PRKDC: variants seen among roughly 807,000 people sequenced by gnomAD.
The protein encoded by PRKDC is DNA-dependent protein kinase catalytic subunit.
In PRKDC, 82 loss-of-function variants were observed where a neutral mutation model predicts 486.9. The observed-to-expected ratio is 0.17, with a 90% confidence interval of 0.14 to 0.20. The LOEUF (loss-of-function observed/expected upper bound fraction) is 0.20. Among genes scored for constraint, PRKDC ranks in the 10% least tolerant of loss-of-function variants. The pLI is 1.00. For missense variants in PRKDC, 4,504 were observed against 5,038.2 expected (o/e 0.89, Z 3.21); for synonymous variants, 1,895 against 1,837.0 (o/e 1.03, Z -0.81).
chr8:47,859,741 G>A lies in PRKDC; in HGVS notation c.6077C>T (p.Ser2026Phe), dbSNP rs1180273106. The A allele has an allele frequency of 6.2e-7, 1 of 1,612,306 alleles. No individual in the cohort carries two copies. The highest frequency in any genetic ancestry group is 8.5e-7 in the Non-Finnish European group (1 of 1,178,518). ...ACTGTCTGCCAAATATGACAGGGAA[G>A]ACATATAGGAAGGACCATCTGAAAT... Reference protein sequence around the residue: ...NGDSDGPSYMSSLSYLADSTL... With the variant: ...NGDSDGPSYMFSLSYLADSTL... The change falls in exon 46 of 86, where the codon TCT (serine) becomes TTT (phenylalanine). Residue 2026 changes from serine to phenylalanine, a missense_variant. Coordinates refer to ENST00000314191, the MANE Select transcript of PRKDC (RefSeq NM_006904.7).
rs559601554 is a variant in PRKDC, at chr8:47,937,359, T to A, written c.1114-842A>T. On this transcript the variant is annotated intron_variant, in intron 11 of 85. Coordinates refer to ENST00000314191, the MANE Select transcript of PRKDC (RefSeq NM_006904.7). Reference sequence around the variant, plus strand: ...TATTTATTCACACAGGAAGCATTTATTGGTTGTCAGCTATGTTCTAGGCAC... The same window carrying A: ...TATTTATTCACACAGGAAGCATTTAATGGTTGTCAGCTATGTTCTAGGCAC... Among the ~76,000 whole-genome samples, 26 of 152,336 alleles carry A rather than the reference T, an allele frequency of 1.7e-4. 2 individuals are homozygous for A. In the South Asian group the frequency reaches 5.2e-3, roughly 30 times the overall value.
In PRKDC at chr8:47,959,911, C is replaced by T. The variant is rs1386300894; in HGVS notation, c.154+62G>A. 3.3e-6 allele frequency: 5 copies of T among 1,515,204 alleles called. No individual in the cohort carries two copies. The Admixed American group carries it at 1.0e-4, about 31-fold the overall frequency. The allele number at this position is 1,515,204 out of a possible 1,614,324, so 93.9% of individuals were successfully genotyped here. A position where few individuals can be genotyped will look rare whatever the true frequency, so the allele number is the denominator to read the frequency against. ...AAACACAGAGAAGCGCCGGGCTGCC[C>T]GGCTCCAGAACGACTCGGGAAGCCA... is the stretch of plus-strand genomic sequence containing the variant. On this transcript the variant is annotated intron_variant, in intron 1 of 85. Coordinates refer to ENST00000314191, the MANE Select transcript of PRKDC (RefSeq NM_006904.7).
intron 28 of PRKDC, among the ~76,000 whole-genome samples, chr8:47,900,081 C>T (rs1018890131): frequency 2.0e-5 from 3 of 152,196 alleles, no homozygotes; most frequent in African/African-American, 7.2e-5. Context: ...ATCACAGCAT[C>T]ATAGTGTCTG....
At chr8:47,785,353 T>C in intron 76 of PRKDC, 36 bp from the exon 77 acceptor site, 1 of 1,483,624 alleles carries the variant, frequency 6.7e-7, no homozygotes, top group Non-Finnish European at 9.2e-7. Flanking sequence ...AAGACTGATG[T>C]TTAGTTTGGA....
chr8:47,785,103 G>A lies in PRKDC; in HGVS notation c.11107+10C>T, dbSNP rs1256097889. The A allele has an allele frequency of 6.2e-7, 1 of 1,613,466 alleles. No homozygotes were observed. Among genetic ancestry groups the A allele is most frequent in the African/African-American group, 1.3e-5 (1 of 74,906 alleles). ...CAGTACAGTTTTGTCACCCCTGGAG[G>A]TTAACTCACCGGGAATCTCCAGCTC... is the stretch of plus-strand genomic sequence containing the variant. On this transcript the variant is annotated intron_variant, in intron 77 of 85. Transcript: ENST00000314191.
chr8:47,773,922 T>G lies in PRKDC; in HGVS notation c.*251A>C. 2.5e-6 allele frequency: 1 copy of G among 400,014 alleles called. No homozygotes were observed. The highest frequency in any genetic ancestry group is 4.5e-6 in the Non-Finnish European group (1 of 224,526). The allele number at this position is 400,014 out of a possible 1,614,324, so 24.8% of individuals were successfully genotyped here. A position where few individuals can be genotyped will look rare whatever the true frequency, so the allele number is the denominator to read the frequency against. On this transcript the variant is annotated 3_prime_UTR_variant, in exon 86 of 86. Coordinates refer to ENST00000314191, the MANE Select transcript of PRKDC (RefSeq NM_006904.7). ...CATATTATATTCTTGACTTAATACT[T>G]TGGTAAGCCTGGATATCTATCTTTC...
chr8:47,947,172 T>C (rs2090547986), intron 7 of PRKDC, among the ~76,000 whole-genome samples: 2 of 152,196 alleles, frequency 1.3e-5, no homozygotes, highest in Non-Finnish European at 1.5e-5. Flanking sequence ...GGCCAGGTGC[T>C]GAGCAGCTGC....
Position 47,935,850 on chromosome 8 carries a change from T to C in PRKDC, c.1329A>G (p.Ile443Met), listed in dbSNP as rs2090341547. The change falls in exon 13 of 86, where the codon ATA becomes ATG. Residue 443 changes from isoleucine (I) to methionine (M), a missense_variant. Coordinates refer to ENST00000314191, the MANE Select transcript of PRKDC (RefSeq NM_006904.7). ...TTGGACTGTACTGTGGGAAACTGTC[T>C]ATCTGCATCACCACGAGGTGCTCCA... is the stretch of plus-strand genomic sequence containing the variant. ...PVLEHLVVMQ[I>M]DSFPQYSPKM... is the part of the protein sequence containing the mutation. 1 of 1,613,980 alleles carries C rather than the reference T, an allele frequency of 6.2e-7. No individual in the cohort carries two copies. Among genetic ancestry groups the C allele is most frequent in the East Asian group, 2.2e-5 (1 of 44,882 alleles).
intron 72 of PRKDC, among the ~76,000 whole-genome samples, chr8:47,798,942 G>A (rs972615116): frequency 6.6e-6 from 1 of 152,022 alleles, no homozygotes; most frequent in Non-Finnish European, 1.5e-5. Flanking sequence ...CTGAGTAGCT[G>A]GGACTACAGG....
chr8:47,813,891 T>G (rs2087385860), intron 68 of PRKDC, among the ~76,000 whole-genome samples: 2 of 152,040 alleles, frequency 1.3e-5, no homozygotes, highest in African/African-American at 4.8e-5. Context: ...TTTTTTAAAA[T>G]AGAGAAGGGA....
intron 7 of PRKDC, among the ~76,000 whole-genome samples, chr8:47,949,930 G>T (rs1159091667): frequency 6.6e-6 from 1 of 152,166 alleles, no homozygotes; most frequent in African/African-American, 2.4e-5. Flanking sequence ...CAACCTAATG[G>T]AAGAAAAACA....
intron 36 of PRKDC, among the ~76,000 whole-genome samples, chr8:47,883,853 T>C (rs1262645685): frequency 1.3e-5 from 2 of 152,232 alleles, no homozygotes; most frequent in Non-Finnish European, 2.9e-5. Flanking sequence ...GTCCCTTTCC[T>C]CAGGTGCCTG....
rs558846894 is a variant in PRKDC, at chr8:47,777,639, G to A, written c.12042+47C>T. 2.2e-5 allele frequency: 33 copies of A among 1,506,830 alleles called. No individual in the cohort carries two copies. The African/African-American group carries it at 3.9e-4, about 18-fold the overall frequency. 93.3% of individuals were successfully genotyped at this position (1,506,830 alleles called of 1,614,324 possible). On this transcript the variant is annotated intron_variant, in intron 84 of 85. Transcript: ENST00000314191. ...ACACGAGAGATACCAGCTTGATCAC[G>A]GGGACACTGTCACAAAAGTGAAAAG...
At chr8:47,818,574 G>A (rs1202808178) in intron 67 of PRKDC, among the ~76,000 whole-genome samples, 6 of 95,100 alleles carry the variant, frequency 6.3e-5, no homozygotes, top group East Asian at 6.8e-4. Flanking sequence ...GTGAGACTCC[G>A]TCTCAAAAAA....
intron 58 of PRKDC, among the ~76,000 whole-genome samples, chr8:47,835,488 G>A (rs2087994619): frequency 6.6e-6 from 1 of 151,442 alleles, no homozygotes; most frequent in East Asian, 1.9e-4. Context: ...GAGGTGGTGC[G>A]CGCCTGTAGT....
At chr8:47,912,155 G>T (rs919393757) in intron 25 of PRKDC, among the ~76,000 whole-genome samples, 2 of 152,090 alleles carry the variant, frequency 1.3e-5, no homozygotes, top group Non-Finnish European at 2.9e-5. Flanking sequence ...TTAGATGCCT[G>T]GACTCTCAGT....
rs377653786 is a variant in PRKDC, at chr8:47,958,794, G to A, written c.154+1179C>T. Among the ~76,000 whole-genome samples the A allele has an allele frequency of 2.1e-4, 31 of 149,740 alleles. 1 individual carries two copies. The highest frequency in any genetic ancestry group is 7.4e-4 in the African/African-American group (30 of 40,554). ...TCTGTTGCCCAGGCTGGAGTGCAGT[G>A]GCACAATCTCGGCTCACTGCAATCT... On this transcript the variant is annotated intron_variant, in intron 1 of 85. Transcript: ENST00000314191.
intron 63 of PRKDC, among the ~76,000 whole-genome samples, chr8:47,824,468 CAAAAAA>C (rs11369602): frequency 2.7e-5 from 1 of 37,692 alleles, no homozygotes; most frequent in Non-Finnish European, 4.7e-5. Flanking sequence ...GACTCCGCCT[CAAAAAA>C]AAAAAAAAAA....
chr8:47,924,561 A>AAATAATAATAAT (rs371796979), intron 21 of PRKDC, among the ~76,000 whole-genome samples: 3 of 151,830 alleles, frequency 2.0e-5, no homozygotes, highest in African/African-American at 7.3e-5. Context: ...CTCTGTCTCA[A>AAATAATAATAAT]AATAATAATA....
Sources: gnomAD v4.1 joint callset for allele counts (sites outside exome capture counted in the v4.1 genomes callset) on GRCh38, gnomAD v4.1.1 for gene constraint, MANE v1.5 for transcripts, NCBI Gene and HGNC (gene_info 2026-07-23, HGNC 2026-07-21) for gene names.